The following SYK variants were observed in gnomAD, a reference collection of about 807,000 sequenced individuals.
The protein encoded by SYK is tyrosine-protein kinase SYK.
A neutral mutation model predicts 77.8 loss-of-function variants in SYK; 16 were observed. The observed-to-expected ratio is 0.21, with a 90% CI of 0.14 to 0.31. The LOEUF (loss-of-function observed/expected upper bound fraction) is 0.31. SYK is among the 10% of genes least tolerant of loss of function. SYK has a pLI of 1.00. For synonymous variants in SYK, 312 were observed against 308.7 expected (o/e 1.01, Z -0.11); for missense variants, 529 against 814.4 (o/e 0.65, Z 4.26).
chr9:90,840,360 A>G (rs557308966), intron 1 of SYK, among the ~76,000 whole-genome samples: 1 of 152,116 alleles, frequency 6.6e-6, no homozygotes, highest in Admixed American at 6.5e-5. Flanking sequence ...AATGGAAATG[A>G]GGTTGGAGGC....
Position 90,884,706 on chromosome 9 carries a change from CAT to C in SYK, c.1582-3039_1582-3038del, listed in dbSNP as rs371810695. ...ACATATACACATATGTGTACATGTA[CAT>C]ATACACATATACACATATGTGTACA... On this transcript the variant is annotated intron_variant, in intron 11 of 13. Coordinates refer to ENST00000375754, the MANE Select transcript of SYK (RefSeq NM_003177.7). Among the ~76,000 whole-genome samples, 3 of 26,174 alleles carry C rather than the reference CAT, an allele frequency of 1.1e-4. 1 individual carries two copies. In the East Asian group the frequency reaches 8.5e-3, roughly 74 times the overall value. The allele number at this position is 26,174 out of a possible 152,430, so 17.2% of individuals were successfully genotyped here. A position where few individuals can be genotyped will look rare whatever the true frequency, so the allele number is the denominator to read the frequency against.
Position 90,895,798 on chromosome 9 carries a change from G to C in SYK, c.*198G>C, listed in dbSNP as rs1828961096. 1 of 545,302 alleles carries C rather than the reference G, an allele frequency of 1.8e-6. No individual in the cohort carries two copies. Among genetic ancestry groups the C allele is most frequent in the East Asian group, 2.9e-5 (1 of 34,320 alleles). The allele number at this position is 545,302 out of a possible 1,614,324, so 33.8% of individuals were successfully genotyped here. ...AAGCAAAGGCAGTCCCGGGAGAAAA[G>C]ACGGATGGCAGGATCCAAGGGGCTA... On this transcript the variant is annotated 3_prime_UTR_variant, in exon 14 of 14. Coordinates refer to ENST00000375754, the MANE Select transcript of SYK (RefSeq NM_003177.7). The surrounding 1 kb of genome is among the most constrained non-coding windows in gnomAD (Gnocchi z 4.4).
intron 1 of SYK, among the ~76,000 whole-genome samples, chr9:90,815,301 T>C (rs772716102): frequency 9.9e-5 from 15 of 152,210 alleles, no homozygotes; most frequent in African/African-American, 1.4e-4. Flanking sequence ...ATTTTGTAAG[T>C]AATCAAGGCA....
At chr9:90,803,922 A>G (rs1824715014) in intron 1 of SYK, among the ~76,000 whole-genome samples, 1 of 152,100 alleles carries the variant, frequency 6.6e-6, no homozygotes. Context: ...AAGAACATGA[A>G]TATTCTCACT....
chr9:90,823,351 AATAG>A (rs1352671090), intron 1 of SYK, among the ~76,000 whole-genome samples: 2 of 152,236 alleles, frequency 1.3e-5, no homozygotes, highest in South Asian at 2.1e-4. Flanking sequence ...TGATAGACCA[AATAG>A]ATAGGATAAA....
At chr9:90,830,402 G>A (rs548858842) in intron 1 of SYK, among the ~76,000 whole-genome samples, 26 of 152,326 alleles carry the variant, frequency 1.7e-4, no homozygotes, top group African/African-American at 5.1e-4. Context: ...GGATTCTGCC[G>A]CACAAGGCAG....
chr9:90,808,393 C>T (rs553952403), intron 1 of SYK, among the ~76,000 whole-genome samples: 40 of 151,442 alleles, frequency 2.6e-4, no homozygotes, highest in Non-Finnish European at 3.2e-4. Context: ...CATCTGCTTG[C>T]ATGCTTGGTG....
intron 1 of SYK, among the ~76,000 whole-genome samples, chr9:90,817,893 G>T (rs1825353414): frequency 6.6e-6 from 1 of 151,818 alleles, no homozygotes; most frequent in African/African-American, 2.4e-5. Context: ...GAGAGAGAGA[G>T]AGAGAGAGAG....
intron 4 of SYK, 50 bp downstream of exon 4, chr9:90,862,394 G>A (rs1054868806): frequency 6.3e-7 from 1 of 1,583,886 alleles, no homozygotes; most frequent in Non-Finnish European, 8.6e-7. Context: ...GGGCACGTGG[G>A]GCTCCTTGTC....
chr9:90,888,714 A>G lies in SYK; in HGVS notation c.1835+87A>G, dbSNP rs571733806. 4 of 1,035,472 alleles carry G rather than the reference A, an allele frequency of 3.9e-6. No homozygotes were observed. The East Asian group carries it at 1.2e-4, about 30-fold the overall frequency. The allele number at this position is 1,035,472 out of a possible 1,614,324, so 64.1% of individuals were successfully genotyped here. A position where few individuals can be genotyped will look rare whatever the true frequency, so the allele number is the denominator to read the frequency against. On this transcript the variant is annotated intron_variant, in intron 13 of 13. Transcript: ENST00000375754. Reference sequence around the variant, plus strand: ...GCGTCTAAAAAAAAGGATAAAGTTCACCTTTTCATGAATCAGGAATGTGCC... The same window carrying G: ...GCGTCTAAAAAAAAGGATAAAGTTCGCCTTTTCATGAATCAGGAATGTGCC...
chr9:90,876,303 A>AG lies in SYK; in HGVS notation c.1182-1268_1182-1267insG, dbSNP rs1554713256. On this transcript the variant is annotated intron_variant, in intron 9 of 13. Transcript: ENST00000375754. ...ACTCTGCCTCAAAAAAAAAAAAAAA[A>AG]AAAGAAAGAAAGAAAAAAGAAATGC... Among the ~76,000 whole-genome samples, 122 of 109,908 alleles carry AG rather than the reference A, an allele frequency of 1.1e-3. 1 individual carries two copies. The Middle Eastern group carries it at 0.023, about 21-fold the overall frequency. The allele number at this position is 109,908 out of a possible 152,430, so 72.1% of individuals were successfully genotyped here. A position where few individuals can be genotyped will look rare whatever the true frequency, so the allele number is the denominator to read the frequency against.
At position 90,895,247 on chromosome 9, in the gene SYK, A is replaced by C. The variant is rs1828940671; in HGVS notation, c.1836-281A>C. 6.6e-6 allele frequency among the ~76,000 whole-genome samples: 1 copy of C among 152,218 alleles called. No individual in the cohort carries two copies. Among genetic ancestry groups the C allele is most frequent in the Admixed American group, 6.5e-5 (1 of 15,290 alleles). On this transcript the variant is annotated intron_variant, in intron 13 of 13. Coordinates refer to ENST00000375754, the MANE Select transcript of SYK (RefSeq NM_003177.7). The surrounding 1 kb of genome is among the most constrained non-coding windows in gnomAD (Gnocchi z 4.4). ...CTGGGGCTAAAACACTCCCAGTTCTAATGCAAAAAGTCTCCTACTTTAGGG... is the reference window on the plus strand; with the variant it reads ...CTGGGGCTAAAACACTCCCAGTTCTCATGCAAAAAGTCTCCTACTTTAGGG...
chr9:90,870,783 C>A (rs1167640800), intron 7 of SYK, among the ~76,000 whole-genome samples: 1 of 152,204 alleles, frequency 6.6e-6, no homozygotes, highest in African/African-American at 2.4e-5. Context: ...GCCAATATTT[C>A]TAAAGCCAGC....
At chr9:90,819,750 C>A (rs290252) in intron 1 of SYK, among the ~76,000 whole-genome samples, 18,966 of 152,038 alleles carry the variant, frequency 0.12, 1,619 homozygotes, top group East Asian at 0.44. Flanking sequence ...CCCTTCAAAT[C>A]TCATGTCCTC....
intron 1 of SYK, among the ~76,000 whole-genome samples, chr9:90,808,253 G>A (rs992110773): frequency 2.0e-5 from 3 of 152,064 alleles, no homozygotes; most frequent in Admixed American, 6.5e-5. Flanking sequence ...GATTATTTTA[G>A]CAAGCAGGTG....
chr9:90,835,138 A>G (rs1467946895), intron 1 of SYK, among the ~76,000 whole-genome samples: 1 of 152,232 alleles, frequency 6.6e-6, no homozygotes, highest in Non-Finnish European at 1.5e-5. Context: ...AAGGTTGAGT[A>G]ACCCCGAGCT....
At chr9:90,816,850 T>C (rs1440396091) in intron 1 of SYK, among the ~76,000 whole-genome samples, 1 of 152,262 alleles carries the variant, frequency 6.6e-6, no homozygotes, top group Non-Finnish European at 1.5e-5. Flanking sequence ...GCTTCTTCTA[T>C]GTTATCACAA....
At chr9:90,876,220 G>A (rs929984521) in intron 9 of SYK, among the ~76,000 whole-genome samples, 4 of 150,662 alleles carry the variant, frequency 2.7e-5, no homozygotes, top group African/African-American at 9.8e-5. Flanking sequence ...CTGGGAGGAA[G>A]AGGTTGCAGC....
At chr9:90,874,366 C>G in intron 8 of SYK, 75 bp downstream of exon 8, 1 of 1,396,846 alleles carries the variant, frequency 7.2e-7, no homozygotes, top group South Asian at 1.2e-5. Context: ...AGAGTTGGTT[C>G]ACGAATCCAC....
Sources: gnomAD v4.1 joint callset for allele counts (sites outside exome capture counted in the v4.1 genomes callset) on GRCh38, gnomAD v4.1.1 for gene constraint, Gnocchi (gnomAD v3.1) non-coding constraint, MANE v1.5 for transcripts, NCBI Gene and HGNC (gene_info 2026-07-23, HGNC 2026-07-21) for gene names.